Variants in PITPNC1 observed in about 807,000 individuals in gnomAD.
The protein encoded by PITPNC1 is phosphatidylinositol transfer protein cytoplasmic 1, also known as cytoplasmic phosphatidylinositol transfer protein 1.
A neutral mutation model predicts 44.7 loss-of-function variants in PITPNC1; 18 were observed. That is an observed-to-expected ratio of 0.40 (90% CI 0.28 to 0.60). The LOEUF (loss-of-function observed/expected upper bound fraction) is 0.60. Among genes scored for constraint, PITPNC1 ranks in the 20% least tolerant of loss-of-function variants. The pLI is 0.39. For missense variants in PITPNC1, 290 were observed against 418.4 expected (o/e 0.69, Z 2.68); for synonymous variants, 141 against 149.6 (o/e 0.94, Z 0.42).
At position 67,695,650 on chromosome 17, in the gene PITPNC1, G is replaced by A. The variant is rs969507473; in HGVS notation, c.*2762G>A. 2 of 149,400 alleles carry A rather than the reference G, an allele frequency of 1.3e-5. No individual in the cohort carries two copies. The highest frequency in any genetic ancestry group is 4.9e-5 in the African/African-American group (2 of 40,850). The allele number at this position is 149,400 out of a possible 1,614,324, so 9.3% of individuals were successfully genotyped here. On this transcript the variant is annotated 3_prime_UTR_variant, in exon 9 of 9. Transcript: ENST00000581322. Reference sequence around the variant, plus strand: ...TATATATAAATATAAATATAGTATAGTGAATCAGACACCATCAGTTTTAAG... The same window carrying A: ...TATATATAAATATAAATATAGTATAATGAATCAGACACCATCAGTTTTAAG...
intron 6 of PITPNC1, among the ~76,000 whole-genome samples, chr17:67,651,883 C>G (rs909515314): frequency 6.6e-6 from 1 of 152,108 alleles, no homozygotes; most frequent in African/African-American, 2.4e-5. Context: ...TCAAGGAATC[C>G]TACATTAATT....
At chr17:67,545,337 G>A (rs2040664081) in intron 2 of PITPNC1, among the ~76,000 whole-genome samples, 1 of 151,848 alleles carries the variant, frequency 6.6e-6, no homozygotes, top group South Asian at 2.1e-4. Flanking sequence ...CCAGCACTTT[G>A]GGAGGCCAAG....
chr17:67,647,874 C>T (rs1177308624), intron 6 of PITPNC1, among the ~76,000 whole-genome samples: 1 of 152,064 alleles, frequency 6.6e-6, no homozygotes, highest in African/African-American at 2.4e-5. Context: ...AAGGTGCTCC[C>T]GGGCATGGTA....
chr17:67,675,999 G>A (rs945315273), intron 8 of PITPNC1, among the ~76,000 whole-genome samples: 5 of 152,324 alleles, frequency 3.3e-5, no homozygotes, highest in South Asian at 4.1e-4. Flanking sequence ...GAGGTCAGGA[G>A]ATCGAGACCA....
chr17:67,582,641 C>G (rs2041251018), intron 5 of PITPNC1, among the ~76,000 whole-genome samples: 1 of 151,400 alleles, frequency 6.6e-6, no homozygotes, highest in African/African-American at 2.4e-5. Flanking sequence ...AAAAATAAAA[C>G]CAGTATACGT....
intron 1 of PITPNC1, among the ~76,000 whole-genome samples, chr17:67,463,536 G>C (rs2039376412): frequency 6.6e-6 from 1 of 152,104 alleles, no homozygotes; most frequent in African/African-American, 2.4e-5. Context: ...CTTGACTTGG[G>C]GTCAAAGAGC....
At chr17:67,561,330 C>T (rs2040903929) in intron 4 of PITPNC1, among the ~76,000 whole-genome samples, 1 of 152,110 alleles carries the variant, frequency 6.6e-6, no homozygotes, top group Admixed American at 6.6e-5. Flanking sequence ...GTGGTGTGTG[C>T]CTGTAATCCC....
intron 1 of PITPNC1, among the ~76,000 whole-genome samples, chr17:67,493,771 T>C (rs2039893512): frequency 1.3e-5 from 2 of 152,224 alleles, no homozygotes; most frequent in African/African-American, 2.4e-5. Flanking sequence ...AACCTAGCTA[T>C]CATTATGACT....
At chr17:67,552,830 T>C (rs1012940438) in intron 3 of PITPNC1, among the ~76,000 whole-genome samples, 10 of 150,212 alleles carry the variant, frequency 6.7e-5, no homozygotes, top group Middle Eastern at 3.2e-3. Flanking sequence ...AAAAAGCTTA[T>C]GGAGAAGGAA....
intron 7 of PITPNC1, among the ~76,000 whole-genome samples, chr17:67,669,940 G>C (rs1054046406): frequency 1.3e-5 from 2 of 151,964 alleles, no homozygotes; most frequent in East Asian, 1.9e-4. Flanking sequence ...TGGGCATGGT[G>C]GTGGGTGCCT....
chr17:67,422,255 A>T (rs142808343), intron 1 of PITPNC1, among the ~76,000 whole-genome samples: 10 of 152,218 alleles, frequency 6.6e-5, no homozygotes, highest in Admixed American at 5.9e-4. Flanking sequence ...GACATTGTCT[A>T]CTTACCATTG....
chr17:67,609,211 G>A (rs1040564345), intron 5 of PITPNC1, among the ~76,000 whole-genome samples: 27 of 150,876 alleles, frequency 1.8e-4, no homozygotes, highest in Admixed American at 4.0e-4. Context: ...GCCTCCCCTG[G>A]TTTCCCAAGC....
intron 1 of PITPNC1, 149 bp from the exon 2 acceptor site, chr17:67,532,653 G>C (rs1348832292): frequency 9.1e-6 from 5 of 547,118 alleles, no homozygotes; most frequent in Non-Finnish European, 1.3e-5. Flanking sequence ...CCTAGCTCCC[G>C]AGGAAAAGTA....
Position 67,652,564 on chromosome 17 carries a change from C to T in PITPNC1, c.463-16944C>T, listed in dbSNP as rs532035826. 2.0e-5 allele frequency among the ~76,000 whole-genome samples: 3 copies of T among 152,316 alleles called. No homozygotes were observed. The East Asian group carries it at 5.8e-4, about 29-fold the overall frequency. ...TGCCAAGCCTGGAGAGAATCGGTAG[C>T]ATCCGGAGCCAGAGATCTCATTGTG... On this transcript the variant is annotated intron_variant, in intron 6 of 8. Transcript: ENST00000581322.
chr17:67,409,719 G>A (rs1455560898), intron 1 of PITPNC1, among the ~76,000 whole-genome samples: 1 of 151,850 alleles, frequency 6.6e-6, no homozygotes, highest in African/African-American at 2.4e-5. Flanking sequence ...TGTATTTTTA[G>A]TAGAGGTGGG....
intron 1 of PITPNC1, among the ~76,000 whole-genome samples, chr17:67,530,456 C>A (rs2364390): frequency 1.3e-5 from 2 of 151,762 alleles, no homozygotes; most frequent in Non-Finnish European, 2.9e-5. Flanking sequence ...TGCCTGTGTC[C>A]CTGTCTAAGT....
At chr17:67,631,628 CAAAAACCAAAAAAAA>C (rs1416469211) in intron 5 of PITPNC1, among the ~76,000 whole-genome samples, 7 of 13,342 alleles carry the variant, frequency 5.2e-4, no homozygotes, top group Non-Finnish European at 7.3e-4. Flanking sequence ...GACTCCGTCT[CAAAAACCAAAAAAAA>C]AAAAAAAAAA....
At chr17:67,515,845 C>T (rs2040252060) in intron 1 of PITPNC1, among the ~76,000 whole-genome samples, 2 of 152,240 alleles carry the variant, frequency 1.3e-5, no homozygotes, top group African/African-American at 4.8e-5. Flanking sequence ...CTTTCCTTTT[C>T]ATGAAATAAC....
chr17:67,506,305 A>G (rs2040100064), intron 1 of PITPNC1, among the ~76,000 whole-genome samples: 1 of 152,208 alleles, frequency 6.6e-6, no homozygotes, highest in Non-Finnish European at 1.5e-5. Context: ...AGATGATACT[A>G]ATGTTCCTGA....
Sources: gnomAD v4.1 joint callset for allele counts (sites outside exome capture counted in the v4.1 genomes callset) on GRCh38, gnomAD v4.1.1 for gene constraint, MANE v1.5 for transcripts, NCBI Gene and HGNC (gene_info 2026-07-23, HGNC 2026-07-21) for gene names.